The following DIXDC1 variants were observed in gnomAD, a reference collection of about 807,000 sequenced individuals.
DIXDC1 encodes the protein dixin.
DIXDC1 carries 64 observed loss-of-function variants against 103.1 expected under a neutral mutation model. The ratio of observed to expected loss-of-function variants is 0.62; its 90% CI spans 0.51 to 0.76. The LOEUF is 0.76. Among genes scored for constraint, DIXDC1 ranks in the 30% least tolerant of loss-of-function variants. DIXDC1 has a pLI of 0.00. For synonymous variants in DIXDC1, 266 were observed against 298.5 expected (o/e 0.89, Z 1.12); for missense variants, 759 against 834.2 (o/e 0.91, Z 1.11).
At chr11:111,960,603 AAAAAAAG>A (rs1202876208) in intron 1 of DIXDC1, among the ~76,000 whole-genome samples, 8 of 151,930 alleles carry the variant, frequency 5.3e-5, no homozygotes, top group African/African-American at 1.9e-4. Context: ...TTAAAAAAAA[AAAAAAAG>A]AAAAGAAAAA....
At chr11:111,970,135 A>C (rs1859866363) in intron 3 of DIXDC1, among the ~76,000 whole-genome samples, 1 of 152,182 alleles carries the variant, frequency 6.6e-6, no homozygotes, top group Non-Finnish European at 1.5e-5. Context: ...ACCTCACTGC[A>C]ACGTCCGCCT....
At chr11:111,981,719 C>A (rs1405174458) in intron 6 of DIXDC1, among the ~76,000 whole-genome samples, 6 of 152,128 alleles carry the variant, frequency 3.9e-5, no homozygotes, top group Admixed American at 3.3e-4. Flanking sequence ...TTTCTGAATT[C>A]TAGAATGCAT....
At chr11:111,965,582 T>C (rs1233055037) in intron 2 of DIXDC1, among the ~76,000 whole-genome samples, 4 of 152,222 alleles carry the variant, frequency 2.6e-5, no homozygotes, top group Non-Finnish European at 5.9e-5. Context: ...TCATCTGTAA[T>C]GATGGTAATA....
At chr11:111,973,372 C>CAAA (rs782457239) in intron 3 of DIXDC1, among the ~76,000 whole-genome samples, 1 of 125,486 alleles carries the variant, frequency 8.0e-6, no homozygotes, top group Non-Finnish European at 1.7e-5. Context: ...AACTCCATCT[C>CAAA]AAAAAAAAAA....
intron 1 of DIXDC1, among the ~76,000 whole-genome samples, chr11:111,947,303 A>G (rs1592549761): frequency 6.6e-6 from 1 of 152,350 alleles, no homozygotes; most frequent in East Asian, 1.9e-4. Context: ...AAATGAAACT[A>G]CTAGTCCACC....
At position 111,973,075 on chromosome 11, in the gene DIXDC1, A is replaced by T. The variant is rs11214055; in HGVS notation, c.317-948A>T. Among the ~76,000 whole-genome samples, 3 of 150,106 alleles carry T rather than the reference A, an allele frequency of 2.0e-5. No homozygotes were observed. The East Asian group carries it at 6.0e-4, about 30-fold the overall frequency. The stretch of plus-strand genomic sequence containing the variant: ...GAGTTTCTAATAGCCACATCATAAA[A>T]AAAGAAACAGGTGAGCCGGGCGCAG... On this transcript the variant is annotated intron_variant, in intron 3 of 19. Transcript: ENST00000440460.
At chr11:111,989,625 G>A (rs10891305) in intron 10 of DIXDC1, among the ~76,000 whole-genome samples, 135,676 of 142,524 alleles carry the variant, frequency 0.95, 64,584 homozygotes, top group East Asian at 1. Flanking sequence ...CTCCGTCTCG[G>A]AAAAAAAAAA....
chr11:111,990,162 C>T (rs1306481584), intron 10 of DIXDC1, among the ~76,000 whole-genome samples: 1 of 149,306 alleles, frequency 6.7e-6, no homozygotes, highest in Non-Finnish European at 1.5e-5. Context: ...GTGATCTTGG[C>T]TTACTGCAAT....
intron 10 of DIXDC1, among the ~76,000 whole-genome samples, chr11:111,990,241 C>T (rs1038684888): frequency 3.9e-5 from 6 of 151,986 alleles, no homozygotes; most frequent in African/African-American, 1.2e-4. Flanking sequence ...CAGGTGCGCA[C>T]CATCACACCC....
chr11:111,961,897 C>T (rs1210285809), intron 1 of DIXDC1, among the ~76,000 whole-genome samples: 5 of 152,212 alleles, frequency 3.3e-5, no homozygotes, highest in African/African-American at 4.8e-5. Context: ...GCCTTAGCTC[C>T]TTTGAGCTCA....
intron 3 of DIXDC1, among the ~76,000 whole-genome samples, chr11:111,972,771 GT>G (rs1318080562): frequency 6.6e-6 from 1 of 152,250 alleles, no homozygotes; most frequent in Non-Finnish European, 1.5e-5. Flanking sequence ...AGCAGGCCGG[GT>G]GCAGTGGCTC....
At position 111,985,233 on chromosome 11, in the gene DIXDC1, C is replaced by G; in HGVS notation, c.920C>G (p.Ala307Gly). Reference protein sequence around the residue: ...EAKKMISGLQALLLNGSLPED... With the variant: ...EAKKMISGLQGLLLNGSLPED... ...CTTTCTGCCTTTGTGGTTATTCAGG[C>G]CTTACTGCTCAATGGATCCTTACCT... The change falls in exon 8 of 20, where the codon GCC (alanine) becomes GGC (glycine). Residue 307 changes from alanine (A) to glycine (G), a missense_variant and splice_region_variant. Around this residue, in one of 3 missense-constraint regions of DIXDC1, gnomAD observed 657 missense variants for 727.5 expected, o/e 0.90. Transcript: ENST00000440460. The G allele has an allele frequency of 6.2e-7, 1 of 1,612,634 alleles. No individual in the cohort carries two copies. Among genetic ancestry groups the G allele is most frequent in the Non-Finnish European group, 8.5e-7 (1 of 1,179,058 alleles).
Position 111,992,428 on chromosome 11 carries a change from A to G in DIXDC1, c.1127A>G (p.Gln376Arg), listed in dbSNP as rs782794477. The change falls in exon 11 of 20, where the codon CAG becomes CGG. Residue 376 changes from glutamine to arginine, a missense_variant. Transcript: ENST00000440460. ...NLQGIKDALQQRLTQQDTSVL... is the reference protein window; with the variant it reads ...NLQGIKDALQRRLTQQDTSVL... Reference sequence around the variant, plus strand: ...TTTTTCCCCTAGGATGCCTTGCAGCAGAGATTGACTCAGCAGGACACATCT... The same window carrying G: ...TTTTTCCCCTAGGATGCCTTGCAGCGGAGATTGACTCAGCAGGACACATCT... 6 of 1,580,094 alleles carry G rather than the reference A, an allele frequency of 3.8e-6. No homozygotes were observed. Among genetic ancestry groups the G allele is most frequent in the Non-Finnish European group, 5.2e-6 (6 of 1,162,206 alleles).
At chr11:111,992,588 T>G in intron 11 of DIXDC1, 69 bp downstream of exon 11, 1 of 1,341,324 alleles carries the variant, frequency 7.5e-7, no homozygotes, top group Non-Finnish European at 1.0e-6. Flanking sequence ...CACGAAGAAC[T>G]ATTAGACTGG....
chr11:112,007,902 A>C (rs1047600941), intron 17 of DIXDC1, among the ~76,000 whole-genome samples: 1 of 152,204 alleles, frequency 6.6e-6, no homozygotes, highest in Non-Finnish European at 1.5e-5. Context: ...TGCATCAATT[A>C]ATGGGCAAAA....
At position 111,998,758 on chromosome 11, in the gene DIXDC1, T is replaced by G. The variant is rs1860979044; in HGVS notation, c.1756+2612T>G. Among the ~76,000 whole-genome samples, 2 of 152,152 alleles carry G rather than the reference T, an allele frequency of 1.3e-5. No individual in the cohort carries two copies. The highest frequency in any genetic ancestry group is 2.1e-4 in the South Asian group (1 of 4,824). On this transcript the variant is annotated intron_variant, in intron 17 of 19. Transcript: ENST00000440460. The surrounding 1 kb of genome is among the most constrained non-coding windows in gnomAD (Gnocchi z 4.1). ...TGTGTTGCCCAGGCTGGTCTTGAAC[T>G]CTTGAGCTCAGGCAATCCACCCACC...
intron 17 of DIXDC1, among the ~76,000 whole-genome samples, chr11:112,012,673 T>C (rs1555177322): frequency 1.3e-5 from 2 of 152,220 alleles, no homozygotes; most frequent in Non-Finnish European, 2.9e-5. Context: ...GAGCCACTTA[T>C]CCTGCATGAG....
chr11:111,974,954 A>G lies in DIXDC1; in HGVS notation c.627A>G (p.Gln209=). ...RALVQQYEGQ[Q]RSPSESSCSS... is the part of the protein sequence containing the mutation. The stretch of plus-strand genomic sequence containing the variant: ...TAGTGCAGCAGTACGAAGGGCAACA[A>G]AGGTCCCCGTCTGAATCCAGCTGCT... The change falls in exon 5 of 20, where the codon CAA becomes CAG. Residue 209 remains glutamine, a synonymous_variant. Coordinates refer to ENST00000440460, the MANE Select transcript of DIXDC1 (RefSeq NM_001037954.4). 6.2e-7 allele frequency: 1 copy of G among 1,613,214 alleles called. No homozygotes were observed. The highest frequency in any genetic ancestry group is 8.5e-7 in the Non-Finnish European group (1 of 1,179,714).
intron 1 of DIXDC1, among the ~76,000 whole-genome samples, chr11:111,946,050 C>T (rs1276030513): frequency 2.6e-5 from 4 of 151,250 alleles, no homozygotes; most frequent in Non-Finnish European, 5.9e-5. Context: ...GATTCTCCTG[C>T]CTTAGCCTCC....
Sources: gnomAD v4.1 joint callset for allele counts (sites outside exome capture counted in the v4.1 genomes callset) on GRCh38, gnomAD v4.1.1 for gene constraint, gnomAD v4.1.1 regional missense constraint, Gnocchi (gnomAD v3.1) non-coding constraint, MANE v1.5 for transcripts, NCBI Gene and HGNC (gene_info 2026-07-23, HGNC 2026-07-21) for gene names.